SEC14L1: variants seen among roughly 807,000 people sequenced by gnomAD.
The protein encoded by SEC14L1 is SEC14-like protein 1.
A neutral mutation model predicts 85.3 loss-of-function variants in SEC14L1; 48 were observed. The observed-to-expected ratio is 0.56, with a 90% CI of 0.45 to 0.72. The LOEUF is 0.72. Ranked by LOEUF, SEC14L1 falls within the 30% of genes least tolerant of loss-of-function variation. The pLI is 0.00. For missense variants in SEC14L1, 682 were observed against 921.4 expected (o/e 0.74, Z 3.36); for synonymous variants, 391 against 355.5 (o/e 1.10, Z -1.12).
intron 3 of SEC14L1, among the ~76,000 whole-genome samples, chr17:77,158,344 C>T (rs180965772): frequency 1.6e-4 from 25 of 152,342 alleles, no homozygotes; most frequent in African/African-American, 5.5e-4. Flanking sequence ...TCCCCAGCCC[C>T]TGGCAGCCAC....
At chr17:77,153,753 T>G (rs1973677952) in intron 3 of SEC14L1, among the ~76,000 whole-genome samples, 1 of 152,130 alleles carries the variant, frequency 6.6e-6, no homozygotes, top group Non-Finnish European at 1.5e-5. Flanking sequence ...GTTGTCTCTT[T>G]TATTAGAGCT....
At chr17:77,178,629 C>T (rs1020573167) in intron 3 of SEC14L1, among the ~76,000 whole-genome samples, 1 of 152,174 alleles carries the variant, frequency 6.6e-6, no homozygotes, top group Non-Finnish European at 1.5e-5. Context: ...GAAACTCTTC[C>T]ACCTCAGATC....
At chr17:77,201,655 T>C (rs562172537) in intron 9 of SEC14L1, among the ~76,000 whole-genome samples, 1 of 152,270 alleles carries the variant, frequency 6.6e-6, no homozygotes, top group South Asian at 2.1e-4. Flanking sequence ...TTCACCATAT[T>C]GGCCAGGCTG....
Position 77,216,491 on chromosome 17 carries a change from A to C in SEC14L1, c.*2468A>C. The C allele has an allele frequency of 1.2e-6, 2 of 1,612,746 alleles. No individual in the cohort carries two copies. Among genetic ancestry groups the C allele is most frequent in the Non-Finnish European group, 1.7e-6 (2 of 1,179,132 alleles). On this transcript the variant is annotated 3_prime_UTR_variant, in exon 17 of 17. Transcript: ENST00000436233. ...CTTCCACCTGGTGCTTCCTGTTCCC[A>C]AATCACAAGGGCCTGAAGGTGGTCC...
Position 77,213,647 on chromosome 17 carries a change from A to T in SEC14L1, c.2042+155A>T. 1 of 948,820 alleles carries T rather than the reference A, an allele frequency of 1.1e-6. No homozygotes were observed. The highest frequency in any genetic ancestry group is 1.6e-6 in the Non-Finnish European group (1 of 610,266). The allele number at this position is 948,820 out of a possible 1,614,324, so 58.8% of individuals were successfully genotyped here. A position where few individuals can be genotyped will look rare whatever the true frequency, so the allele number is the denominator to read the frequency against. ...AGTGGCTTTGGGGTCATTTGTTGGC[A>T]CGGTGACTCCCTGCCTGTCTGCAGA... On this transcript the variant is annotated intron_variant, in intron 16 of 16. Transcript: ENST00000436233. This position sits in a 1 kb window ranked among gnomAD's most constrained non-coding sequence, Gnocchi z 7.1.
At chr17:77,138,575 G>A (rs891029735), upstream of SEC14L1, among the ~76,000 whole-genome samples, 10 of 152,144 alleles carry the variant, frequency 6.6e-5, no homozygotes, top group South Asian at 2.1e-4. Flanking sequence ...AGCCAAGATC[G>A]TGCCACTGCA....
In SEC14L1 at chr17:77,142,462, G is replaced by A. The variant is rs1973100193; in HGVS notation, c.-135-184G>A. Reference sequence around the variant, plus strand: ...GGTCCCAGCTACTTGGGAGGCTGAGGCAGGAGGATCACTTGAGCTTAGAAG... The same window carrying A: ...GGTCCCAGCTACTTGGGAGGCTGAGACAGGAGGATCACTTGAGCTTAGAAG... On this transcript the variant is annotated intron_variant, in intron 1 of 16. Transcript: ENST00000436233. Among the ~76,000 whole-genome samples the A allele has an allele frequency of 2.6e-5, 4 of 151,116 alleles. No homozygotes were observed. In the South Asian group the frequency reaches 8.3e-4, roughly 31 times the overall value.
Position 77,206,640 on chromosome 17 carries a change from C to T in SEC14L1, c.1342-88C>T, listed in dbSNP as rs967726470. On this transcript the variant is annotated intron_variant, in intron 12 of 16. Coordinates refer to ENST00000436233, the MANE Select transcript of SEC14L1 (RefSeq NM_001143998.2). This position sits in a 1 kb window ranked among gnomAD's most constrained non-coding sequence, Gnocchi z 4.3. ...TAAACTTGAATGTCTTCCCCCCACC[C>T]TCCCACTCAGAATACCACATTGTCA... is the stretch of plus-strand genomic sequence containing the variant. 3.4e-6 allele frequency: 5 copies of T among 1,469,224 alleles called. No individual in the cohort carries two copies. Among genetic ancestry groups the T allele is most frequent in the Middle Eastern group, 2.3e-4 (1 of 4,426 alleles). The allele number at this position is 1,469,224 out of a possible 1,614,324, so 91.0% of individuals were successfully genotyped here.
chr17:77,161,736 T>TA lies in SEC14L1; in HGVS notation c.63+18080dup, dbSNP rs1555622036. Reference sequence around the variant, plus strand: ...TCTTTTTTTTTTTTTTTTTTTTTTTTAAACAACCAGAGGTTAAGGAAGGGA... The same window carrying TA: ...TCTTTTTTTTTTTTTTTTTTTTTTTTAAAACAACCAGAGGTTAAGGAAGGGA... On this transcript the variant is annotated intron_variant, in intron 3 of 16. Transcript: ENST00000436233. Among the ~76,000 whole-genome samples, 8 of 131,808 alleles carry TA rather than the reference T, an allele frequency of 6.1e-5. 1 individual carries two copies. The highest frequency in any genetic ancestry group is 1.1e-4 in the Non-Finnish European group (7 of 61,232). 86.5% of individuals were successfully genotyped at this position (131,808 alleles called of 152,430 possible). A position where few individuals can be genotyped will look rare whatever the true frequency, so the allele number is the denominator to read the frequency against.
At chr17:77,196,145 T>G in intron 7 of SEC14L1, 57 bp from the exon 8 acceptor site, 2 of 1,358,102 alleles carry the variant, frequency 1.5e-6, no homozygotes, top group Non-Finnish European at 2.1e-6. Flanking sequence ...CACAAAGACT[T>G]TGGGAGCCTA....
chr17:77,157,224 A>G (rs1217087137), intron 3 of SEC14L1, among the ~76,000 whole-genome samples: 1 of 152,244 alleles, frequency 6.6e-6, no homozygotes, highest in Non-Finnish European at 1.5e-5. Flanking sequence ...AAATTGATTT[A>G]AGTGGTCATT....
At chr17:77,201,456 T>C (rs1018256932) in intron 9 of SEC14L1, among the ~76,000 whole-genome samples, 24 of 151,462 alleles carry the variant, frequency 1.6e-4, no homozygotes, top group East Asian at 3.9e-4. Flanking sequence ...ATGTGTCTTT[T>C]TTTTTTTTTT....
rs1302720247 is a variant in SEC14L1 at position 77,191,222 on chromosome 17, A to G, written c.255A>G (p.Ser85=). ...VDYVYFVQKN[S]LNSRERTLHI... is the part of the protein sequence containing the mutation. ...ATGTTTATTTTGTCCAGAAAAACTC[A>G]CTGAATTCTCGGGAACGTACTTTGC... The change falls in exon 5 of 17, where the codon TCA becomes TCG. Residue 85 remains serine, a synonymous_variant. Transcript: ENST00000436233. 1 of 1,613,478 alleles carries G rather than the reference A, an allele frequency of 6.2e-7. No homozygotes were observed. Among genetic ancestry groups the G allele is most frequent in the Non-Finnish European group, 8.5e-7 (1 of 1,179,550 alleles).
intron 3 of SEC14L1, among the ~76,000 whole-genome samples, chr17:77,182,331 A>G (rs1015183622): frequency 2.6e-5 from 4 of 152,194 alleles, no homozygotes; most frequent in African/African-American, 4.8e-5. Context: ...AAGGTTGGTT[A>G]AAAGCTGAAA....
In SEC14L1 at chr17:77,214,217, TAACTC is replaced by T. The variant is rs1213114865; in HGVS notation, c.*197_*201del. 4 of 1,390,722 alleles carry T rather than the reference TAACTC, an allele frequency of 2.9e-6. No individual in the cohort carries two copies. Among genetic ancestry groups the T allele is most frequent in the Non-Finnish European group, 2.8e-6 (3 of 1,075,970 alleles). The allele number at this position is 1,390,722 out of a possible 1,614,324, so 86.1% of individuals were successfully genotyped here. ...GGTAGTTTTAACTCTGATCCTAACT[TAACTC>T]AATAGCCATAGATTTTGTATACGTT... On this transcript the variant is annotated 3_prime_UTR_variant, in exon 17 of 17. Coordinates refer to ENST00000436233, the MANE Select transcript of SEC14L1 (RefSeq NM_001143998.2).
chr17:77,105,106 G>A (rs1375335623), intron 3 of SEC14L1, among the ~76,000 whole-genome samples: 2 of 152,102 alleles, frequency 1.3e-5, no homozygotes, highest in African/African-American at 2.4e-5. Context: ...CAAAGAAGGC[G>A]ATCGGATATG....
intron 3 of SEC14L1, among the ~76,000 whole-genome samples, chr17:77,112,605 GC>G (rs1160065003): frequency 6.6e-6 from 1 of 152,142 alleles, no homozygotes; most frequent in Non-Finnish European, 1.5e-5. Flanking sequence ...TATTTAGGCG[GC>G]CAGGCGTGGT....
intron 3 of SEC14L1, among the ~76,000 whole-genome samples, chr17:77,111,693 A>G (rs993617250): frequency 1.3e-5 from 2 of 152,174 alleles, no homozygotes; most frequent in Non-Finnish European, 2.9e-5. Context: ...TGTTTTACCC[A>G]ATTTCTTCCG....
intron 8 of SEC14L1, among the ~76,000 whole-genome samples, chr17:77,197,043 G>A (rs1326847668): frequency 6.6e-6 from 1 of 152,192 alleles, no homozygotes; most frequent in Non-Finnish European, 1.5e-5. Context: ...ACCTGCCTGA[G>A]GTCTCACAGC....
Sources: allele counts gnomAD v4.1 joint callset (sites outside exome capture counted in the v4.1 genomes callset), GRCh38; gene constraint gnomAD v4.1.1; non-coding constraint Gnocchi (gnomAD v3.1); transcripts MANE v1.5; gene names NCBI Gene and HGNC (gene_info 2026-07-23, HGNC 2026-07-21).